The following CTRB1 variants were observed in gnomAD, a reference collection of about 807,000 sequenced individuals.
CTRB1 encodes chymotrypsinogen B.
Under a neutral mutation model 20.4 loss-of-function variants are expected in CTRB1, and 15 were observed. The observed-to-expected ratio is 0.74, with a 90% confidence interval of 0.49 to 1.13. CTRB1 has a LOEUF of 1.13. Among genes scored for constraint, CTRB1 ranks in the 50% most tolerant of loss-of-function variants. The pLI is 0.00. For missense variants in CTRB1, 227 were observed against 290.1 expected (o/e 0.78, Z 1.58); for synonymous variants, 92 against 128.4 (o/e 0.72, Z 1.92).
intron 1 of CTRB1, among the ~76,000 whole-genome samples, chr16:75,220,680 G>T (rs545616852): frequency 6.6e-6 from 1 of 152,214 alleles, no homozygotes; most frequent in East Asian, 1.9e-4. Context: ...GCATGTTGAC[G>T]TGGAGTTTCA....
At chr16:75,221,569 A>G (rs1442249357) in intron 1 of CTRB1, among the ~76,000 whole-genome samples, 4 of 152,052 alleles carry the variant, frequency 2.6e-5, no homozygotes, top group Non-Finnish European at 5.9e-5. Context: ...TATGTTGGCC[A>G]GGCTGGTCTT....
Position 75,221,520 on chromosome 16 carries a change from C to T in CTRB1, c.53-1248C>T, listed in dbSNP as rs182263941. Reference sequence around the variant, plus strand: ...GATTGTAGGCCTGTGCCACCATGCCCGGCTAATTTTTGTATTTTTAGTAGA... The same window carrying T: ...GATTGTAGGCCTGTGCCACCATGCCTGGCTAATTTTTGTATTTTTAGTAGA... On this transcript the variant is annotated intron_variant, in intron 1 of 6. Coordinates refer to ENST00000361017, the MANE Select transcript of CTRB1 (RefSeq NM_001906.6). 7.3e-3 allele frequency among the ~76,000 whole-genome samples: 1,114 copies of T among 152,074 alleles called. 10 individuals carry two copies. The highest frequency in any genetic ancestry group is 0.01 in the Non-Finnish European group (706 of 67,986).
Position 75,222,589 on chromosome 16 carries a change from G to A in CTRB1, c.53-179G>A, listed in dbSNP as rs375221272. The A allele has an allele frequency of 3.4e-5, 22 of 651,412 alleles. 1 individual carries two copies. Among genetic ancestry groups the A allele is most frequent in the East Asian group, 2.8e-5 (1 of 35,960 alleles). 40.4% of individuals were successfully genotyped at this position (651,412 alleles called of 1,614,324 possible). ...GAAGGATGACTGGAGCCAGCAGGCC[G>A]AGAGTTGGGAACGTTTGAGCCTAGA... On this transcript the variant is annotated intron_variant, in intron 1 of 6. Coordinates refer to ENST00000361017, the MANE Select transcript of CTRB1 (RefSeq NM_001906.6).
chr16:75,219,951 G>T (rs752235394), intron 1 of CTRB1, among the ~76,000 whole-genome samples: 1 of 152,106 alleles, frequency 6.6e-6, no homozygotes, highest in Admixed American at 6.6e-5. Flanking sequence ...TTTCAAAAAG[G>T]TTACATCAAT....
rs771100088 is a variant in CTRB1 at position 75,223,440 on chromosome 16, AC to A, written c.316-3del. 9.7e-5 allele frequency: 61 copies of A among 631,308 alleles called. No individual in the cohort carries two copies. The highest frequency in any genetic ancestry group is 1.3e-4 in the Non-Finnish European group (47 of 363,026). 39.1% of individuals were successfully genotyped at this position (631,308 alleles called of 1,614,324 possible). On this transcript the variant is annotated splice_polypyrimidine_tract_variant and splice_region_variant and intron_variant, in intron 4 of 6. Transcript: ENST00000361017. ...GCCTCACCCCGGCACTCTGGCCCCC[AC>A]CCCCAGGTCTTCAAGAACCCCAAGT...
Position 75,222,235 on chromosome 16 carries a change from G to T in CTRB1, c.53-533G>T, listed in dbSNP as rs79652710. 1.8e-3 allele frequency among the ~76,000 whole-genome samples: 281 copies of T among 152,018 alleles called. 1 individual carries two copies. Among genetic ancestry groups the T allele is most frequent in the African/African-American group, 6.4e-3 (264 of 41,460 alleles). On this transcript the variant is annotated intron_variant, in intron 1 of 6. Transcript: ENST00000361017. ...GTGGAATTCAACCTGCCCACCCAGG[G>T]TCCACGGTGCCATTTCACTCTCCCG... is the stretch of plus-strand genomic sequence containing the variant.
chr16:75,220,828 G>A (rs369601707), intron 1 of CTRB1, among the ~76,000 whole-genome samples: 22 of 151,312 alleles, frequency 1.5e-4, no homozygotes, highest in African/African-American at 3.4e-4. Context: ...GCATGATTTC[G>A]GCTCACTGCA....
At chr16:75,221,383 G>A (rs1329556306) in intron 1 of CTRB1, among the ~76,000 whole-genome samples, 1 of 151,864 alleles carries the variant, frequency 6.6e-6, no homozygotes. Context: ...TTCTTGAGAT[G>A]GAGTTTGGCT....
chr16:75,220,395 G>C (rs370087159), intron 1 of CTRB1, among the ~76,000 whole-genome samples: 1 of 152,142 alleles, frequency 6.6e-6, no homozygotes. Context: ...TATTGGTCAG[G>C]CTGGTCTTGA....
At chr16:75,224,446 A>T (rs1449091919) in intron 6 of CTRB1, among the ~76,000 whole-genome samples, 3 of 151,974 alleles carry the variant, frequency 2.0e-5, no homozygotes, top group African/African-American at 7.3e-5. Flanking sequence ...GGCCAGCCCC[A>T]CCATGCTCTT....
In CTRB1 at chr16:75,224,751, C is replaced by T. The variant is rs987780812; in HGVS notation, c.677C>T (p.Thr226Ile). 2.5e-6 allele frequency: 4 copies of T among 1,613,590 alleles called. No individual in the cohort carries two copies. Among genetic ancestry groups the T allele is most frequent in the Admixed American group, 1.7e-5 (1 of 59,974 alleles). Reference sequence around the variant, plus strand: ...GTCTGCCAAAAGGATGGAGCCTGGACCCTGGTGGGCATTGTGTCCTGGGGC... The same window carrying T: ...GTCTGCCAAAAGGATGGAGCCTGGATCCTGGTGGGCATTGTGTCCTGGGGC... ...PLVCQKDGAW[T>I]LVGIVSWGSD... The change falls in exon 7 of 7, where the codon ACC becomes ATC. Residue 226 changes from threonine to isoleucine, a missense_variant. Coordinates refer to ENST00000361017, the MANE Select transcript of CTRB1 (RefSeq NM_001906.6).
rs375754863 is a variant in CTRB1 at position 75,222,759 on chromosome 16, C to A, written c.53-9C>A. ...GGCCTCAGCCCTTATTCACCCCACT[C>A]CCCCCCAGGCTGCGGGGTCCCCGCC... On this transcript the variant is annotated splice_polypyrimidine_tract_variant and intron_variant, in intron 1 of 6. Coordinates refer to ENST00000361017, the MANE Select transcript of CTRB1 (RefSeq NM_001906.6). The A allele has an allele frequency of 1.9e-6, 3 of 1,553,646 alleles. No individual in the cohort carries two copies. Among genetic ancestry groups the A allele is most frequent in the South Asian group, 1.2e-5 (1 of 84,636 alleles).
At chr16:75,219,104 C>G in intron 1 of CTRB1, 45 bp downstream of exon 1, 2 of 1,551,744 alleles carry the variant, frequency 1.3e-6, no homozygotes, top group South Asian at 1.2e-5. Flanking sequence ...GAGCCCTGAG[C>G]CTGGCTGAGA....
At position 75,224,204 on chromosome 16, in the gene CTRB1, CCCAGGCCCTGG is replaced by C; in HGVS notation, c.630+23_630+33del. On this transcript the variant is annotated intron_variant, in intron 6 of 6. Coordinates refer to ENST00000361017, the MANE Select transcript of CTRB1 (RefSeq NM_001906.6). Reference sequence around the variant, plus strand: ...CTCCTGCATGGTGAGGCTGGCCCTGCCCAGGCCCTGGCCAGGCGAGCGGGGTGCAGGGGAGG... The same window carrying C: ...CTCCTGCATGGTGAGGCTGGCCCTGCCCAGGCGAGCGGGGTGCAGGGGAGG... 13 of 1,415,432 alleles carry C rather than the reference CCCAGGCCCTGG, an allele frequency of 9.2e-6. No individual in the cohort carries two copies. In the South Asian group the frequency reaches 1.7e-4, roughly 19 times the overall value. 87.7% of individuals were successfully genotyped at this position (1,415,432 alleles called of 1,614,324 possible). A position where few individuals can be genotyped will look rare whatever the true frequency, so the allele number is the denominator to read the frequency against.
At chr16:75,221,286 C>G (rs1425051138) in intron 1 of CTRB1, among the ~76,000 whole-genome samples, 1 of 152,156 alleles carries the variant, frequency 6.6e-6, no homozygotes, top group Non-Finnish European at 1.5e-5. Context: ...TGTGGAACAC[C>G]TGACTATTTT....
rs757748429 is a variant in CTRB1, at chr16:75,224,834, C to A, written c.760C>A (p.Pro254Thr). ...GVYARVTKLI[P>T]WVQKILAAN is the part of the protein sequence containing the mutation. Reference sequence around the variant, plus strand: ...GTACGCCCGTGTCACCAAGCTCATACCTTGGGTGCAGAAGATCCTGGCTGC... The same window carrying A: ...GTACGCCCGTGTCACCAAGCTCATAACTTGGGTGCAGAAGATCCTGGCTGC... The change falls in exon 7 of 7, where the codon CCT becomes ACT. Residue 254 changes from proline (P) to threonine (T), a missense_variant. Transcript: ENST00000361017. 6.2e-7 allele frequency: 1 copy of A among 1,613,998 alleles called. No individual in the cohort carries two copies. Among genetic ancestry groups the A allele is most frequent in the South Asian group, 1.1e-5 (1 of 91,092 alleles).
chr16:75,221,575 G>A (rs9652674), intron 1 of CTRB1, among the ~76,000 whole-genome samples: 108,385 of 151,734 alleles, frequency 0.71, 39,079 homozygotes, highest in East Asian at 0.97. Context: ...GGCCAGGCTG[G>A]TCTTAAATTC....
chr16:75,221,872 C>A (rs1195878060), intron 1 of CTRB1, among the ~76,000 whole-genome samples: 1 of 151,404 alleles, frequency 6.6e-6, no homozygotes, highest in East Asian at 2.0e-4. Context: ...ACCATCCTGG[C>A]TAACACGGTG....
chr16:75,222,479 A>C, intron 1 of CTRB1: 5 of 502,310 alleles, frequency 1.0e-5, no homozygotes, highest in South Asian at 6.0e-5. Context: ...GGCTGAGCCC[A>C]GGCAGTCTTA....
Sources: allele counts gnomAD v4.1 joint callset (sites outside exome capture counted in the v4.1 genomes callset), GRCh38; gene constraint gnomAD v4.1.1; transcripts MANE v1.5; gene names NCBI Gene and HGNC (gene_info 2026-07-23, HGNC 2026-07-21).